Variants in SMURF1 observed in about 807,000 individuals in gnomAD.
SMURF1 encodes E3 ubiquitin-protein ligase SMURF1.
SMURF1 carries 44 observed loss-of-function variants against 98.0 expected under a neutral mutation model. That is an observed-to-expected ratio of 0.45 (90% CI 0.35 to 0.58). The LOEUF (loss-of-function observed/expected upper bound fraction) is 0.58. SMURF1 is among the 20% of genes least tolerant of loss of function. SMURF1 has a pLI of 0.00. For synonymous variants in SMURF1, 396 were observed against 374.9 expected (o/e 1.06, Z -0.65); for missense variants, 687 against 938.4 (o/e 0.73, Z 3.50).
chr7:99,063,287 A>G (rs1188898200), intron 1 of SMURF1, among the ~76,000 whole-genome samples: 1 of 23,588 alleles, frequency 4.2e-5, no homozygotes, highest in Non-Finnish European at 1.1e-4. Context: ...ATATATATAT[A>G]TATATATATA....
chr7:99,106,867 TTAGCA>T (rs965458227), intron 1 of SMURF1, among the ~76,000 whole-genome samples: 1 of 152,266 alleles, frequency 6.6e-6, no homozygotes, highest in Non-Finnish European at 1.5e-5. Context: ...GCTTGTTTCG[TTAGCA>T]GCTCATGACT....
intron 1 of SMURF1, among the ~76,000 whole-genome samples, chr7:99,066,452 C>T (rs748885630): frequency 5.9e-5 from 9 of 152,084 alleles, no homozygotes; most frequent in South Asian, 2.1e-4. Context: ...TCATAAAGTG[C>T]GGAAAGGTCT....
rs1478829167 is a variant in SMURF1, at chr7:99,038,473, C to T, written c.1603G>A (p.Ala535Thr). 1 of 1,614,218 alleles carries T rather than the reference C, an allele frequency of 6.2e-7. No individual in the cohort carries two copies. Among genetic ancestry groups the T allele is most frequent in the Admixed American group, 1.7e-5 (1 of 60,028 alleles). Residue 535 changes from alanine to threonine, a missense_variant, in exon 14 of 18, where the codon GCC (alanine) becomes ACC (threonine). Ala to Thr is a moderately conservative substitution (Grantham distance 58, BLOSUM62 0). Coordinates refer to ENST00000361368, the MANE Select transcript of SMURF1 (RefSeq NM_181349.3). ...TCATGCTGCAGGATCCGCCCGAAGG[C>T]GTTGTGTTCCACGCAGAAGGTGTGG... is the stretch of plus-strand genomic sequence containing the variant. ...LDHTFCVEHN[A>T]FGRILQHELK...
intron 11 of SMURF1, among the ~76,000 whole-genome samples, chr7:99,044,306 T>C (rs1022337749): frequency 1.4e-4 from 22 of 151,898 alleles, no homozygotes; most frequent in Non-Finnish European, 2.6e-4. Context: ...AGTGAGATGC[T>C]GTCTCCAGAA....
chr7:99,036,010 T>C (rs1251746102), intron 15 of SMURF1: 2 of 431,822 alleles, frequency 4.6e-6, no homozygotes, highest in South Asian at 2.1e-5. Context: ...GTGAGGAGTA[T>C]CAAAGAACCA....
rs116310003 is a variant in SMURF1, at chr7:99,093,004, C to T, written c.56-31167G>A. On this transcript the variant is annotated intron_variant, in intron 1 of 17. Coordinates refer to ENST00000361368, the MANE Select transcript of SMURF1 (RefSeq NM_181349.3). The stretch of plus-strand genomic sequence containing the variant: ...CTCTTCCGCTGTCAGAGCTGGTACT[C>T]GCCACACCCCAGGAACTATACACAG... Among the ~76,000 whole-genome samples the T allele has an allele frequency of 7.3e-3, 1,112 of 152,224 alleles. 16 individuals carry two copies. The highest frequency in any genetic ancestry group is 0.025 in the African/African-American group (1,021 of 41,520).
Position 99,030,224 on chromosome 7 carries a change from TC to T in SMURF1, c.*359del. The T allele has an allele frequency of 4.9e-6, 1 of 202,048 alleles. No homozygotes were observed. The highest frequency in any genetic ancestry group is 1.1e-4 in the South Asian group (1 of 9,398). The allele number at this position is 202,048 out of a possible 1,614,324, so 12.5% of individuals were successfully genotyped here. A position where few individuals can be genotyped will look rare whatever the true frequency, so the allele number is the denominator to read the frequency against. On this transcript the variant is annotated 3_prime_UTR_variant, in exon 18 of 18. Transcript: ENST00000361368. ...CAAACCCTCAATCAGCCACGCCCAG[TC>T]CCCTAACTGTGAGTTGATGCTCCCG... is the stretch of plus-strand genomic sequence containing the variant.
At position 99,052,413 on chromosome 7, in the gene SMURF1, C is replaced by T. The variant is rs141490100; in HGVS notation, c.513G>A (p.Pro171=). 144 of 1,593,850 alleles carry T rather than the reference C, an allele frequency of 9.0e-5. 2 individuals are homozygous for T. Among genetic ancestry groups the T allele is most frequent in the African/African-American group, 4.4e-4 (33 of 74,544 alleles). Residue 171 remains proline, a synonymous_variant, in exon 7 of 18, where the codon CCG becomes CCA. Transcript: ENST00000361368. Reference sequence around the variant, plus strand: ...CTGGTTCCTCCATGAAGCAGCTGAGCGGCCTCCCAGGCCCGGAGTCTTCAT... The same window carrying T: ...CTGGTTCCTCCATGAAGCAGCTGAGTGGCCTCCCAGGCCCGGAGTCTTCAT... ...TVYEDSGPGR[P]LSCFMEEPAP... is the part of the protein sequence containing the mutation.
chr7:99,052,198 C>A lies in SMURF1; in HGVS notation c.721+7G>T. On this transcript the variant is annotated splice_region_variant and intron_variant, in intron 7 of 17. Transcript: ENST00000361368. The stretch of plus-strand genomic sequence containing the variant: ...GGCATTGGCCACAGCAGGATACATT[C>A]TCTCACCGTAGCCTTCGGGCAGTTC... 1 of 1,534,416 alleles carries A rather than the reference C, an allele frequency of 6.5e-7. No individual in the cohort carries two copies. The highest frequency in any genetic ancestry group is 2.0e-5 in the Admixed American group (1 of 50,228).
chr7:99,053,441 T>TA (rs1230211821), intron 6 of SMURF1, among the ~76,000 whole-genome samples: 5 of 152,168 alleles, frequency 3.3e-5, no homozygotes, highest in Admixed American at 6.6e-5. Context: ...ATTAATTTTT[T>TA]AAAAAAATCA....
At chr7:99,112,648 G>T (rs1261095940) in intron 1 of SMURF1, among the ~76,000 whole-genome samples, 1 of 152,088 alleles carries the variant, frequency 6.6e-6, no homozygotes, top group African/African-American at 2.4e-5. Flanking sequence ...AACAGAAATT[G>T]CCCCTGAGGA....
chr7:99,100,108 T>TA (rs10559622), intron 1 of SMURF1, among the ~76,000 whole-genome samples: 65 of 141,712 alleles, frequency 4.6e-4, no homozygotes, highest in South Asian at 2.9e-3. Context: ...TGGGAAAAGT[T>TA]AAAAAAAAAA....
chr7:99,128,364 C>T (rs534153338), intron 1 of SMURF1, among the ~76,000 whole-genome samples: 5 of 152,176 alleles, frequency 3.3e-5, no homozygotes, highest in East Asian at 1.9e-4. Context: ...AAACGGCTTC[C>T]GTAATTCATT....
chr7:99,123,487 T>C (rs1009127169), intron 1 of SMURF1, among the ~76,000 whole-genome samples: 7 of 152,116 alleles, frequency 4.6e-5, no homozygotes, highest in African/African-American at 1.7e-4. Flanking sequence ...TGAGCTATGA[T>C]TGCACCGCTG....
Position 99,033,097 on chromosome 7 carries a change from C to CG in SMURF1, c.2035dup (p.Arg679ProfsTer23). On this transcript the variant is annotated frameshift_variant, in exon 17 of 18. Coordinates refer to ENST00000361368, the MANE Select transcript of SMURF1 (RefSeq NM_181349.3). LOFTEE classifies it high-confidence loss of function. ...GTCTATCAGGTGGATGGTGAACAGC[C>CG]GGGGCCCTGCCGCGCCTGTAGAACC... 1.3e-6 allele frequency: 2 copies of CG among 1,587,170 alleles called. No individual in the cohort carries two copies. Among genetic ancestry groups the CG allele is most frequent in the Non-Finnish European group, 1.7e-6 (2 of 1,166,032 alleles).
At chr7:99,055,142 A>T (rs1210435218) in intron 5 of SMURF1, among the ~76,000 whole-genome samples, 5 of 152,082 alleles carry the variant, frequency 3.3e-5, no homozygotes, top group Admixed American at 1.3e-4. Context: ...CAGTCCCTCT[A>T]AGTTATTTTC....
At chr7:99,041,163 A>G (rs1795365647) in intron 12 of SMURF1, among the ~76,000 whole-genome samples, 1 of 152,198 alleles carries the variant, frequency 6.6e-6, no homozygotes, top group African/African-American at 2.4e-5. Flanking sequence ...ACACTTTGGG[A>G]GGCTGAGGCA....
intron 11 of SMURF1, among the ~76,000 whole-genome samples, chr7:99,043,694 G>A (rs112363700): frequency 0.011 from 1,747 of 152,264 alleles, 36 homozygotes; most frequent in African/African-American, 0.04. Flanking sequence ...CAAGTGTTCC[G>A]CTGTGTGTTA....
At chr7:99,059,397 CA>C (rs1194308241) in intron 3 of SMURF1, among the ~76,000 whole-genome samples, 4 of 57,092 alleles carry the variant, frequency 7.0e-5, no homozygotes, top group African/African-American at 2.2e-4. Context: ...GACTCCATCT[CA>C]AAAAAAAATA....
Sources: allele counts gnomAD v4.1 joint callset (sites outside exome capture counted in the v4.1 genomes callset), GRCh38; gene constraint gnomAD v4.1.1; transcripts MANE v1.5; gene names NCBI Gene and HGNC (gene_info 2026-07-23, HGNC 2026-07-21).